CAST: variants seen among roughly 807,000 people sequenced by gnomAD.
CAST encodes calpastatin.
In CAST, 76 loss-of-function variants were observed where a neutral mutation model predicts 119.6. The ratio of observed to expected loss-of-function variants is 0.64; its 90% confidence interval spans 0.53 to 0.77. The LOEUF is 0.77. Among genes scored for constraint, CAST ranks in the 30% least tolerant of loss-of-function variants. CAST has a pLI of 0.00. For synonymous variants in CAST, 319 were observed against 331.6 expected, an observed-to-expected ratio of 0.96 and a Z score of 0.41; for missense variants, 953 against 946.5, an observed-to-expected ratio of 1.01 and a Z score of -0.09.
At chr5:96,617,511 CG>C (rs976618507) in intron 1 of CAST, among the ~76,000 whole-genome samples, 1 of 151,884 alleles carries the variant, frequency 6.6e-6, no homozygotes, top group Admixed American at 6.6e-5. Context: ...CTTAGGAGGC[CG>C]GGCACGGTGG....
the CAST span, chr5:96,394,897 T>C: frequency 6.2e-7 from 1 of 1,614,110 alleles, no homozygotes; most frequent in Non-Finnish European, 8.5e-7. Context: ...CCACCCCTCT[T>C]CTGTCATTCT....
At chr5:96,535,803 G>C (rs1745801170) in intron 1 of CAST, among the ~76,000 whole-genome samples, 1 of 150,738 alleles carries the variant, frequency 6.6e-6, no homozygotes, top group South Asian at 2.1e-4. Context: ...TCGATCTCCT[G>C]ACCTCGTGAT....
At chr5:96,266,573 T>C in the CAST span, among the ~76,000 whole-genome samples, 6 of 152,068 alleles carry the variant, frequency 3.9e-5, no homozygotes, top group East Asian at 5.8e-4. Flanking sequence ...CTCTGTTTAC[T>C]AGAACTGAAG....
At chr5:96,318,689 A>G in the CAST span, 2 of 152,110 alleles carry the variant, frequency 1.3e-5, no homozygotes, top group Non-Finnish European at 2.9e-5. Flanking sequence ...CAAATTCTCA[A>G]TGTCCCCCTT....
the CAST span, among the ~76,000 whole-genome samples, chr5:96,135,256 A>G: frequency 6.6e-6 from 1 of 152,208 alleles, no homozygotes; most frequent in Non-Finnish European, 1.5e-5. Context: ...ACAAAGCAAG[A>G]GTGTGTAAAG....
the CAST span, among the ~76,000 whole-genome samples, chr5:96,252,869 G>A: frequency 4.6e-5 from 7 of 152,020 alleles, no homozygotes; most frequent in South Asian, 4.1e-4. Context: ...TGGTTCCTTC[G>A]TGGACTAAAA....
chr5:96,190,048 A>G, the CAST span, among the ~76,000 whole-genome samples: 1 of 151,730 alleles, frequency 6.6e-6, no homozygotes, highest in East Asian at 1.9e-4. Context: ...TGGGGGTATT[A>G]TTTTTCTTGG....
At chr5:96,582,753 T>C (rs1028680967) in intron 1 of CAST, among the ~76,000 whole-genome samples, 6 of 152,222 alleles carry the variant, frequency 3.9e-5, no homozygotes, top group African/African-American at 9.6e-5. Context: ...TAAATAATTA[T>C]TTTTAAAAAA....
At chr5:95,974,710 T>C in the CAST span, among the ~76,000 whole-genome samples, 1 of 152,336 alleles carries the variant, frequency 6.6e-6, no homozygotes, top group East Asian at 1.9e-4. Flanking sequence ...CTTTGCTTTG[T>C]TTTTGTCATT....
At chr5:96,558,333 G>T (rs1746285283) in intron 1 of CAST, among the ~76,000 whole-genome samples, 1 of 151,984 alleles carries the variant, frequency 6.6e-6, no homozygotes, top group South Asian at 2.1e-4. Flanking sequence ...AAAGCTAGCA[G>T]AAGGCAAGAA....
chr5:96,663,007 T>G (rs1200669556), intron 1 of CAST: 5 of 674,508 alleles, frequency 7.4e-6, no homozygotes, highest in Non-Finnish European at 1.3e-5. Context: ...GGCAGCCGCC[T>G]TGGGATGTGC....
intron 3 of CAST, among the ~76,000 whole-genome samples, chr5:96,700,107 T>G (rs1159874115): frequency 6.6e-6 from 1 of 152,192 alleles, no homozygotes; most frequent in Non-Finnish European, 1.5e-5. Flanking sequence ...TTGGGTTAAC[T>G]CTTCAGGTAC....
At chr5:96,461,292 T>C in the CAST span, among the ~76,000 whole-genome samples, 3 of 152,310 alleles carry the variant, frequency 2.0e-5, no homozygotes, top group Admixed American at 1.3e-4. Flanking sequence ...TTTCCACTTT[T>C]TGTCTATTAC....
At chr5:96,415,570 T>G in the CAST span, among the ~76,000 whole-genome samples, 1,548 of 152,284 alleles carry the variant, frequency 0.01, 28 homozygotes, top group African/African-American at 0.035. Flanking sequence ...CCTACATCCT[T>G]GCTATAAAAG....
the CAST span, chr5:95,964,864 G>A: frequency 2.0e-4 from 31 of 151,526 alleles, no homozygotes; most frequent in African/African-American, 7.6e-4. Flanking sequence ...ATATAAGACA[G>A]TTCAGTGCAG....
At chr5:95,971,583 T>TA in the CAST span, among the ~76,000 whole-genome samples, 1 of 152,186 alleles carries the variant, frequency 6.6e-6, no homozygotes, top group Admixed American at 6.5e-5. Context: ...TCCTTGAAAA[T>TA]ACATTGTCCC....
chr5:96,658,470 AT>A (rs1748194801), upstream of CAST, among the ~76,000 whole-genome samples: 4 of 152,340 alleles, frequency 2.6e-5, no homozygotes, highest in South Asian at 8.3e-4. Context: ...GCTGTGGCTC[AT>A]TTTATGGTCT....
At chr5:96,474,725 C>T in the CAST span, among the ~76,000 whole-genome samples, 16 of 152,086 alleles carry the variant, frequency 1.1e-4, no homozygotes, top group African/African-American at 3.9e-4. Context: ...AAACAGCCTT[C>T]TGGACAGATC....
chr5:96,108,016 C>T, the CAST span, among the ~76,000 whole-genome samples: 7 of 151,764 alleles, frequency 4.6e-5, no homozygotes, highest in South Asian at 2.1e-4. Context: ...TTGATCGCAT[C>T]GGCTCCTGAG....
Sources: gnomAD v4.1 joint callset for allele counts (sites outside exome capture counted in the v4.1 genomes callset) on GRCh38, gnomAD v4.1.1 for gene constraint, MANE v1.5 for transcripts, NCBI Gene and HGNC (gene_info 2026-07-23, HGNC 2026-07-21) for gene names.